Variants in STRAP observed in about 807,000 individuals in gnomAD.
The protein encoded by STRAP is serine-threonine kinase receptor-associated protein.
A neutral mutation model predicts 47.0 loss-of-function variants in STRAP; 16 were observed. That is an observed-to-expected ratio of 0.34 (90% confidence interval 0.23 to 0.52). STRAP has a LOEUF of 0.52. Ranked by LOEUF, STRAP falls within the 20% of genes least tolerant of loss-of-function variation. The pLI, the probability that STRAP is intolerant of heterozygous loss-of-function variation, is 0.96. For missense variants in STRAP, 293 were observed against 420.0 expected, an observed-to-expected ratio of 0.70 and a Z score of 2.64; for synonymous variants, 130 against 142.7, an observed-to-expected ratio of 0.91 and a Z score of 0.63.
Position 15,896,328 on chromosome 12 carries a change from CTGAG to C in STRAP, c.638+834_638+837del, listed in dbSNP as rs1383279019. ...AGAAGGAATAATCTTATTTCTGTTC[CTGAG>C]TATTTGCAGACTTAATGAATTTTTT... On this transcript the variant is annotated intron_variant, in intron 6 of 9. Coordinates refer to ENST00000419869, the MANE Select transcript of STRAP (RefSeq NM_007178.4). This position sits in a 1 kb window ranked among gnomAD's most constrained non-coding sequence, Gnocchi z 4.1. Among the ~76,000 whole-genome samples, 12 of 152,038 alleles carry C rather than the reference CTGAG, an allele frequency of 7.9e-5. No individual in the cohort carries two copies. In the East Asian group the frequency reaches 1.5e-3, roughly 20 times the overall value.
At chr12:15,889,882 T>C in intron 2 of STRAP, 46 bp from the exon 3 acceptor site, 1 of 1,448,646 alleles carries the variant, frequency 6.9e-7, no homozygotes, top group Non-Finnish European at 9.7e-7. Flanking sequence ...CCTTTTAATA[T>C]ATTGGGTAAT....
intron 2 of STRAP, among the ~76,000 whole-genome samples, chr12:15,888,824 G>A (rs906888787): frequency 8.9e-4 from 135 of 151,956 alleles, no homozygotes; most frequent in Non-Finnish European, 1.8e-4. Flanking sequence ...AGAACCTACT[G>A]TGGGGTATTT....
chr12:15,892,242 G>C (rs1030383250), intron 4 of STRAP, among the ~76,000 whole-genome samples: 1 of 151,894 alleles, frequency 6.6e-6, no homozygotes, highest in Non-Finnish European at 1.5e-5. Flanking sequence ...GTTTTTAAAG[G>C]TTCTTTATTG....
chr12:15,899,252 G>A (rs1475472571), intron 7 of STRAP, among the ~76,000 whole-genome samples: 1 of 152,198 alleles, frequency 6.6e-6, no homozygotes, highest in Non-Finnish European at 1.5e-5. Flanking sequence ...CATTGGTCTA[G>A]TAAAGGGCTT....
chr12:15,891,514 G>T (rs75597943), intron 4 of STRAP, among the ~76,000 whole-genome samples: 166 of 152,298 alleles, frequency 1.1e-3, no homozygotes, highest in East Asian at 8.1e-3. Context: ...GTTTTGGCCC[G>T]TTTGGGCTAC....
chr12:15,892,064 A>T (rs1320662482), intron 4 of STRAP, among the ~76,000 whole-genome samples: 1 of 152,200 alleles, frequency 6.6e-6, no homozygotes, highest in African/African-American at 2.4e-5. Context: ...ACTGATAACT[A>T]ACTTTCTCTT....
rs907100935 is a variant in STRAP at position 15,894,577 on chromosome 12, C to T, written c.500+434C>T. Among the ~76,000 whole-genome samples, 4 of 152,198 alleles carry T rather than the reference C, an allele frequency of 2.6e-5. No homozygotes were observed. Among genetic ancestry groups the T allele is most frequent in the African/African-American group, 9.7e-5 (4 of 41,446 alleles). On this transcript the variant is annotated intron_variant, in intron 5 of 9. Coordinates refer to ENST00000419869, the MANE Select transcript of STRAP (RefSeq NM_007178.4). The surrounding 1 kb of genome is among the most constrained non-coding windows in gnomAD (Gnocchi z 4.9). ...TAAAATTTAAGTTGCACCCAGGTCACATTTATCTGGAGCTATCTATTTACT... is the reference window on the plus strand; with the variant it reads ...TAAAATTTAAGTTGCACCCAGGTCATATTTATCTGGAGCTATCTATTTACT...
intron 6 of STRAP, among the ~76,000 whole-genome samples, chr12:15,897,278 G>A (rs16911399): frequency 0.02 from 3,118 of 152,248 alleles, 109 homozygotes; most frequent in African/African-American, 0.072. Flanking sequence ...TGTCCAAACT[G>A]TAATTGAATT....
rs1946086343 is a variant in STRAP, at chr12:15,887,585, C to T, written c.249-2343C>T. Among the ~76,000 whole-genome samples, 1 of 152,184 alleles carries T rather than the reference C, an allele frequency of 6.6e-6. No homozygotes were observed. ...CATGCCCTGTCAGAAAATGTCATGC[C>T]TCTATTTTAGTACTGTTTCTAAATA... On this transcript the variant is annotated intron_variant, in intron 2 of 9. Coordinates refer to ENST00000419869, the MANE Select transcript of STRAP (RefSeq NM_007178.4). The surrounding 1 kb of genome is among the most constrained non-coding windows in gnomAD (Gnocchi z 5.5).
chr12:15,883,571 C>T lies in STRAP; in HGVS notation c.143C>T (p.Thr48Ile). The change falls in exon 2 of 10, where the codon ACA becomes ATA. Residue 48 changes from threonine (T) to isoleucine (I), a missense_variant. By Grantham distance (89) the Thr-to-Ile change is moderately conservative (BLOSUM62 -1). Coordinates refer to ENST00000419869, the MANE Select transcript of STRAP (RefSeq NM_007178.4). ...DGKPMLRQGD[T>I]GDWIGTFLGH... ...AAACCTATGCTACGCCAGGGAGATA[C>T]AGGAGACTGGATTGGAACATTTTTG... The T allele has an allele frequency of 1.2e-6, 2 of 1,613,862 alleles. No homozygotes were observed. Among genetic ancestry groups the T allele is most frequent in the South Asian group, 1.1e-5 (1 of 91,078 alleles).
chr12:15,895,553 A>G (rs1948052878), intron 6 of STRAP, 57 bp downstream of exon 6: 2 of 1,557,660 alleles, frequency 1.3e-6, no homozygotes, highest in Admixed American at 4.3e-5. Flanking sequence ...CATTTTGGCT[A>G]CTTAAAAATG....
intron 6 of STRAP, 113 bp downstream of exon 6, chr12:15,895,609 G>A: frequency 8.6e-7 from 1 of 1,168,836 alleles, no homozygotes; most frequent in African/African-American, 1.6e-5. Context: ...AGGAGTGGTG[G>A]CTTATGCCTA....
At chr12:15,895,232 C>A in intron 5 of STRAP, 127 bp from the exon 6 acceptor site, 1 of 750,652 alleles carries the variant, frequency 1.3e-6, no homozygotes, top group Non-Finnish European at 2.0e-6. Flanking sequence ...TAATTTGTGA[C>A]TTGGAATGAA....
rs1948036186 is a variant in STRAP at position 15,893,627 on chromosome 12, A to C, written c.404-420A>C. 4.7e-5 allele frequency among the ~76,000 whole-genome samples: 7 copies of C among 147,670 alleles called. No individual in the cohort carries two copies. In the South Asian group the frequency reaches 1.3e-3, roughly 27 times the overall value. On this transcript the variant is annotated intron_variant, in intron 4 of 9. Coordinates refer to ENST00000419869, the MANE Select transcript of STRAP (RefSeq NM_007178.4). ...TATTTGTATTATTGTACAAATAAAT[A>C]TTGTATATTATACAATAATGCTTTT...
At position 15,883,286 on chromosome 12, in the gene STRAP, C is replaced by G. The variant is rs570026072; in HGVS notation, c.113-255C>G. Among the ~76,000 whole-genome samples, 9 of 152,306 alleles carry G rather than the reference C, an allele frequency of 5.9e-5. No individual in the cohort carries two copies. The East Asian group carries it at 1.4e-3, about 23-fold the overall frequency. On this transcript the variant is annotated intron_variant, in intron 1 of 9. Coordinates refer to ENST00000419869, the MANE Select transcript of STRAP (RefSeq NM_007178.4). Reference sequence around the variant, plus strand: ...GCTAAGATGTCTGTCCAAAATAAGACTAAAATCTAGATTGTTTTGACGCAG... The same window carrying G: ...GCTAAGATGTCTGTCCAAAATAAGAGTAAAATCTAGATTGTTTTGACGCAG...
Position 15,882,562 on chromosome 12 carries a change from A to G in STRAP, c.-146A>G. On this transcript the variant is annotated 5_prime_UTR_variant, in exon 1 of 10. Coordinates refer to ENST00000419869, the MANE Select transcript of STRAP (RefSeq NM_007178.4). ...CTCACCCCTCCCTAACCTCGGTGCC[A>G]CCGGATTGCCCTTCTTTTCCTGTTG... 3.5e-6 allele frequency: 2 copies of G among 571,376 alleles called. No individual in the cohort carries two copies. The highest frequency in any genetic ancestry group is 3.6e-5 in the East Asian group (1 of 27,888). 35.4% of individuals were successfully genotyped at this position (571,376 alleles called of 1,614,324 possible).
intron 4 of STRAP, among the ~76,000 whole-genome samples, chr12:15,893,538 A>G (rs1275864669): frequency 6.8e-6 from 1 of 146,984 alleles, no homozygotes; most frequent in Non-Finnish European, 1.5e-5. Flanking sequence ...TTATTATACA[A>G]TAATGCTTTT....
chr12:15,886,879 T>C (rs1229326896), intron 2 of STRAP, among the ~76,000 whole-genome samples: 1 of 152,182 alleles, frequency 6.6e-6, no homozygotes, highest in African/African-American at 2.4e-5. Flanking sequence ...GAATGTTATC[T>C]TGGAGTAATT....
chr12:15,884,486 CA>C (rs896963256), intron 2 of STRAP, among the ~76,000 whole-genome samples: 5 of 151,520 alleles, frequency 3.3e-5, no homozygotes, highest in Non-Finnish European at 7.4e-5. Flanking sequence ...GTATGAGTCC[CA>C]GAAATTCGGA....
Sources: gnomAD v4.1 joint callset for allele counts (sites outside exome capture counted in the v4.1 genomes callset) on GRCh38, gnomAD v4.1.1 for gene constraint, Gnocchi (gnomAD v3.1) non-coding constraint, MANE v1.5 for transcripts, NCBI Gene and HGNC (gene_info 2026-07-23, HGNC 2026-07-21) for gene names.